Variants in SMARCC1 observed in about 807,000 individuals in gnomAD.
SMARCC1 encodes SWI/SNF related BAF chromatin remodeling complex subunit C1.
In SMARCC1, 43 loss-of-function variants were observed where a neutral mutation model predicts 147.4. The ratio of observed to expected loss-of-function variants is 0.29; its 90% CI spans 0.23 to 0.38. The LOEUF is 0.38. Among genes scored for constraint, SMARCC1 ranks in the 10% least tolerant of loss-of-function variants. SMARCC1 has a pLI of 1.00. For missense variants in SMARCC1, 1,119 were observed against 1,381.1 expected (o/e 0.81, Z 3.01); for synonymous variants, 495 against 484.4 (o/e 1.02, Z -0.29).
intron 26 of SMARCC1, among the ~76,000 whole-genome samples, chr3:47,595,160 G>A (rs2032251577): frequency 6.6e-6 from 1 of 152,180 alleles, no homozygotes; most frequent in Admixed American, 6.5e-5. Context: ...AGGACATCTG[G>A]CGGTTCTCAC....
intron 15 of SMARCC1, among the ~76,000 whole-genome samples, chr3:47,679,049 C>T (rs1042531599): frequency 6.6e-6 from 1 of 152,046 alleles, no homozygotes; most frequent in Non-Finnish European, 1.5e-5. Flanking sequence ...GATTCTGTTA[C>T]AGCAGATACT....
At chr3:47,703,636 G>A (rs748365562) in intron 10 of SMARCC1, among the ~76,000 whole-genome samples, 1 of 152,212 alleles carries the variant, frequency 6.6e-6, no homozygotes, top group African/African-American at 2.4e-5. Flanking sequence ...TGAAGTGAGA[G>A]TGGAAATGGA....
At chr3:47,670,765 G>A (rs757149854) in intron 18 of SMARCC1, 48 bp from the exon 19 acceptor site, 2 of 1,114,104 alleles carry the variant, frequency 1.8e-6, no homozygotes, top group South Asian at 2.5e-5. Context: ...AAATGCTGAA[G>A]ATGGAGCTCA....
Position 47,711,955 on chromosome 3 carries a change from G to A in SMARCC1, c.793-1147C>T, listed in dbSNP as rs540574406. On this transcript the variant is annotated intron_variant, in intron 8 of 27. Coordinates refer to ENST00000254480, the MANE Select transcript of SMARCC1 (RefSeq NM_003074.4). Reference sequence around the variant, plus strand: ...GCAGAATAAATAGAGTGTATAGGCCGGGCGTGGTGGTTCATGCCTGTAATC... The same window carrying A: ...GCAGAATAAATAGAGTGTATAGGCCAGGCGTGGTGGTTCATGCCTGTAATC... 1.6e-4 allele frequency among the ~76,000 whole-genome samples: 24 copies of A among 152,292 alleles called. No individual in the cohort carries two copies. In the East Asian group the frequency reaches 3.7e-3, roughly 23 times the overall value.
chr3:47,652,621 T>A (rs1326073519), intron 21 of SMARCC1, among the ~76,000 whole-genome samples: 8 of 44,506 alleles, frequency 1.8e-4, no homozygotes, highest in Admixed American at 1.8e-3. Flanking sequence ...TCCTTGCTTT[T>A]GCAAAAAAAA....
chr3:47,731,443 ACCTCTGATGAATCG>A (rs2034373447), intron 5 of SMARCC1, among the ~76,000 whole-genome samples: 1 of 151,946 alleles, frequency 6.6e-6, no homozygotes, highest in Admixed American at 6.6e-5. Flanking sequence ...TGATATTTTG[ACCTCTGATGAATCG>A]CATGTGTTCT....
At chr3:47,671,003 G>A (rs1431826941) in intron 18 of SMARCC1, among the ~76,000 whole-genome samples, 3 of 151,406 alleles carry the variant, frequency 2.0e-5, no homozygotes, top group Middle Eastern at 3.4e-3. Context: ...TGGCCAACAC[G>A]GTGAAACCCC....
At chr3:47,781,285 C>T (rs1362811955) in intron 1 of SMARCC1, among the ~76,000 whole-genome samples, 2 of 152,198 alleles carry the variant, frequency 1.3e-5, no homozygotes, top group African/African-American at 4.8e-5. Context: ...GATCATTGTT[C>T]ACACACCTAA....
At chr3:47,647,828 T>C (rs995390032) in intron 21 of SMARCC1, among the ~76,000 whole-genome samples, 2 of 152,238 alleles carry the variant, frequency 1.3e-5, no homozygotes, top group African/African-American at 2.4e-5. Flanking sequence ...AGCTACAACC[T>C]ACCTTTGTAG....
chr3:47,588,570 C>A (rs181518658), intron 27 of SMARCC1, among the ~76,000 whole-genome samples: 2 of 152,146 alleles, frequency 1.3e-5, no homozygotes, highest in Non-Finnish European at 2.9e-5. Flanking sequence ...CAGGCCAACT[C>A]CTTCCAAGAA....
chr3:47,761,763 A>T (rs565933822), intron 2 of SMARCC1, among the ~76,000 whole-genome samples: 63 of 152,306 alleles, frequency 4.1e-4, no homozygotes, highest in African/African-American at 1.5e-3. Flanking sequence ...TAAAATGTTC[A>T]GTAAGAGAGA....
At chr3:47,640,247 A>C (rs996357658) in intron 21 of SMARCC1, among the ~76,000 whole-genome samples, 3 of 152,060 alleles carry the variant, frequency 2.0e-5, no homozygotes, top group Admixed American at 6.6e-5. Context: ...ATGGAAAAAA[A>C]GAAAATAGAA....
intron 21 of SMARCC1, among the ~76,000 whole-genome samples, chr3:47,648,285 G>A (rs1389116956): frequency 2.6e-5 from 4 of 152,156 alleles, no homozygotes; most frequent in East Asian, 1.9e-4. Flanking sequence ...ATGAGCCACC[G>A]CACCCGGCCT....
chr3:47,720,116 A>G, intron 7 of SMARCC1, among the ~76,000 whole-genome samples: 1 of 151,952 alleles, frequency 6.6e-6, no homozygotes, highest in East Asian at 1.9e-4. Flanking sequence ...CATAAAAGAT[A>G]TGAGGTTTTG....
intron 6 of SMARCC1, among the ~76,000 whole-genome samples, chr3:47,727,237 G>A (rs370913914): frequency 3.4e-4 from 52 of 151,728 alleles, no homozygotes; most frequent in African/African-American, 9.7e-4. Flanking sequence ...GGCCGGGCAC[G>A]GTGGCTAACG....
intron 26 of SMARCC1, chr3:47,601,644 G>C (rs1371668979): frequency 3.9e-5 from 6 of 152,022 alleles, no homozygotes; most frequent in Admixed American, 3.9e-4. Flanking sequence ...TAGGACCAAA[G>C]GCACCGCAGA....
At chr3:47,616,963 A>G (rs976323547) in intron 25 of SMARCC1, among the ~76,000 whole-genome samples, 2 of 152,222 alleles carry the variant, frequency 1.3e-5, no homozygotes, top group African/African-American at 4.8e-5. Flanking sequence ...AGTGCAATCT[A>G]AAATGAACTG....
intron 2 of SMARCC1, among the ~76,000 whole-genome samples, chr3:47,754,558 A>G (rs1410058437): frequency 1.3e-5 from 2 of 152,150 alleles, no homozygotes; most frequent in Non-Finnish European, 2.9e-5. Context: ...TGGCTCCAGC[A>G]ATATTGTATA....
At chr3:47,643,468 C>A (rs1184129383) in intron 21 of SMARCC1, among the ~76,000 whole-genome samples, 1 of 151,624 alleles carries the variant, frequency 6.6e-6, no homozygotes, top group East Asian at 1.9e-4. Flanking sequence ...AAATAAATGG[C>A]TACATGCATA....
Sources: allele counts gnomAD v4.1 joint callset (sites outside exome capture counted in the v4.1 genomes callset), GRCh38; gene constraint gnomAD v4.1.1; transcripts MANE v1.5; gene names NCBI Gene and HGNC (gene_info 2026-07-23, HGNC 2026-07-21).